Variants in OSBPL10 observed in about 807,000 individuals in gnomAD.
OSBPL10 encodes the protein oxysterol-binding protein-related protein 10.
Under a neutral mutation model 81.7 loss-of-function variants are expected in OSBPL10, and 49 were observed. The observed-to-expected ratio is 0.60, with a 90% CI of 0.48 to 0.76. OSBPL10 has a LOEUF of 0.76. Ranked by LOEUF, OSBPL10 falls within the 30% of genes least tolerant of loss-of-function variation. OSBPL10 has a pLI of 0.00. For missense variants in OSBPL10, 923 were observed against 987.8 expected (o/e 0.93, Z 0.88); for synonymous variants, 419 against 383.6 (o/e 1.09, Z -1.08).
chr3:31,932,844 C>T (rs1449152540), intron 1 of OSBPL10, among the ~76,000 whole-genome samples: 1 of 150,594 alleles, frequency 6.6e-6, no homozygotes, highest in Non-Finnish European at 1.5e-5. Context: ...TCTCATTAAT[C>T]AAAGCAAAAC....
chr3:31,922,080 G>A (rs760612661), intron 1 of OSBPL10, among the ~76,000 whole-genome samples: 47 of 152,298 alleles, frequency 3.1e-4, no homozygotes, highest in Admixed American at 9.2e-4. Context: ...TCGCAGTCAA[G>A]AGGAGCCTAA....
chr3:31,992,179 G>A (rs1209434387), intron 2 of OSBPL10, among the ~76,000 whole-genome samples: 1 of 151,658 alleles, frequency 6.6e-6, no homozygotes, highest in African/African-American at 2.4e-5. Flanking sequence ...TCAGTGTGGT[G>A]TAGGCAAAAA....
At chr3:31,693,984 G>T (rs541715612) in intron 7 of OSBPL10, among the ~76,000 whole-genome samples, 1 of 152,156 alleles carries the variant, frequency 6.6e-6, no homozygotes, top group East Asian at 1.9e-4. Context: ...TGCTCAGGCT[G>T]GTCTCAAACT....
intron 4 of OSBPL10, among the ~76,000 whole-genome samples, chr3:31,769,230 G>A (rs1213195307): frequency 1.3e-5 from 2 of 151,860 alleles, no homozygotes; most frequent in Admixed American, 6.6e-5. Flanking sequence ...ATCACCTGAG[G>A]TCGAGAGTTT....
At chr3:31,725,700 T>A (rs1696786565) in intron 6 of OSBPL10, among the ~76,000 whole-genome samples, 2 of 152,202 alleles carry the variant, frequency 1.3e-5, no homozygotes, top group African/African-American at 2.4e-5. Flanking sequence ...CAGCAGCATA[T>A]GTAAGTCATA....
chr3:31,966,736 T>C (rs1208629714), intron 1 of OSBPL10, among the ~76,000 whole-genome samples: 2 of 150,898 alleles, frequency 1.3e-5, no homozygotes, highest in South Asian at 2.1e-4. Context: ...CTCACAACCA[T>C]AAGAAAACAA....
At chr3:31,783,107 TC>T (rs1188720397) in intron 4 of OSBPL10, among the ~76,000 whole-genome samples, 8 of 122,236 alleles carry the variant, frequency 6.5e-5, no homozygotes, top group Admixed American at 2.4e-4. Flanking sequence ...TATCAATATA[TC>T]TATTATATAT....
At chr3:31,684,776 C>A (rs773021638) in intron 7 of OSBPL10, among the ~76,000 whole-genome samples, 1 of 152,212 alleles carries the variant, frequency 6.6e-6, no homozygotes, top group Admixed American at 6.5e-5. Context: ...CATGGTGATT[C>A]CATCTGTGGA....
intron 4 of OSBPL10, among the ~76,000 whole-genome samples, chr3:31,790,820 C>T (rs1698990920): frequency 6.6e-6 from 1 of 152,230 alleles, no homozygotes; most frequent in Non-Finnish European, 1.5e-5. Flanking sequence ...AGGTTAACAT[C>T]ATTGGAATCA....
intron 4 of OSBPL10, among the ~76,000 whole-genome samples, chr3:31,763,814 A>T (rs1268760904): frequency 6.6e-6 from 1 of 152,354 alleles, no homozygotes; most frequent in East Asian, 1.9e-4. Context: ...TCACACCTCC[A>T]GGCAAATCCT....
At chr3:32,065,918 G>C (rs1469973258) in intron 1 of OSBPL10, among the ~76,000 whole-genome samples, 1 of 69,116 alleles carries the variant, frequency 1.4e-5, no homozygotes, top group African/African-American at 3.6e-5. Context: ...GAGAAAGAAG[G>C]AAGAAAGAAA....
chr3:31,986,284 G>A (rs1200165074), upstream of OSBPL10: 1 of 152,138 alleles, frequency 6.6e-6, no homozygotes, highest in East Asian at 1.9e-4. Flanking sequence ...AACTCAAAGA[G>A]GAGGAGTTGA....
At chr3:31,734,044 A>G (rs1475726915) in intron 5 of OSBPL10, among the ~76,000 whole-genome samples, 1 of 152,122 alleles carries the variant, frequency 6.6e-6, no homozygotes, top group Non-Finnish European at 1.5e-5. Flanking sequence ...TATTCACAAT[A>G]GAAAGTCAGA....
chr3:31,871,219 A>G lies in OSBPL10; in HGVS notation c.537+5214T>C, dbSNP rs113099724. Among the ~76,000 whole-genome samples, 630 of 152,264 alleles carry G rather than the reference A, an allele frequency of 4.1e-3. 6 individuals carry two copies. Among genetic ancestry groups the G allele is most frequent in the African/African-American group, 0.014 (599 of 41,548 alleles). ...GTCCACACTGCTTTTATGAGCTGTA[A>G]CACTCACCCCTAAGATCTGCAGCTT... On this transcript the variant is annotated intron_variant, in intron 3 of 11. Transcript: ENST00000396556.
At chr3:31,948,745 T>C (rs1575054578) in intron 1 of OSBPL10, among the ~76,000 whole-genome samples, 1 of 152,268 alleles carries the variant, frequency 6.6e-6, no homozygotes, top group Non-Finnish European at 1.5e-5. Flanking sequence ...AGCTAAGAAA[T>C]TGGAAAAGGC....
chr3:31,859,717 C>G (rs1701014185), intron 3 of OSBPL10, among the ~76,000 whole-genome samples: 1 of 152,186 alleles, frequency 6.6e-6, no homozygotes, highest in South Asian at 2.1e-4. Context: ...CCAAAATGAA[C>G]CTCTCCCAGG....
At chr3:31,808,407 T>C (rs1028419623) in intron 4 of OSBPL10, among the ~76,000 whole-genome samples, 9 of 152,236 alleles carry the variant, frequency 5.9e-5, no homozygotes, top group African/African-American at 2.2e-4. Flanking sequence ...TTGGCAACAG[T>C]ATCTCTATCC....
intron 1 of OSBPL10, among the ~76,000 whole-genome samples, chr3:31,904,589 G>A (rs774729277): frequency 5.3e-5 from 8 of 152,060 alleles, no homozygotes; most frequent in African/African-American, 9.7e-5. Flanking sequence ...ATGATCCAGC[G>A]TGACCACAAC....
At chr3:31,691,650 G>A (rs1482583022) in intron 7 of OSBPL10, among the ~76,000 whole-genome samples, 1 of 152,134 alleles carries the variant, frequency 6.6e-6, no homozygotes, top group Non-Finnish European at 1.5e-5. Context: ...AGGATCACTT[G>A]AGCCCAGGAC....
Sources: gnomAD v4.1 joint callset for allele counts (sites outside exome capture counted in the v4.1 genomes callset) on GRCh38, gnomAD v4.1.1 for gene constraint, MANE v1.5 for transcripts, NCBI Gene and HGNC (gene_info 2026-07-23, HGNC 2026-07-21) for gene names.